AGBL4: variants seen among roughly 807,000 people sequenced by gnomAD.
AGBL4 encodes cytosolic carboxypeptidase 6.
AGBL4 carries 58 observed loss-of-function variants against 66.4 expected under a neutral mutation model. The observed-to-expected ratio is 0.87, with a 90% CI of 0.71 to 1.09. The LOEUF (loss-of-function observed/expected upper bound fraction) is 1.09, where lower values mean the gene tolerates loss of function less well. Ranked by LOEUF, AGBL4 falls within the 50% of genes least tolerant of loss-of-function variation. The pLI is 0.00. For missense variants in AGBL4, 579 were observed against 631.0 expected, an observed-to-expected ratio of 0.92 and a Z score of 0.88; for synonymous variants, 234 against 222.9, an observed-to-expected ratio of 1.05 and a Z score of -0.44.
At chr1:48,738,160 C>T (rs1052718286) in intron 6 of AGBL4, among the ~76,000 whole-genome samples, 1 of 152,186 alleles carries the variant, frequency 6.6e-6, no homozygotes, top group African/African-American at 2.4e-5. Flanking sequence ...AAAACTTCTT[C>T]CTTTACCAAT....
At chr1:48,549,836 A>G (rs1162693116) in intron 11 of AGBL4, among the ~76,000 whole-genome samples, 1 of 152,072 alleles carries the variant, frequency 6.6e-6, no homozygotes, top group East Asian at 1.9e-4. Flanking sequence ...GGAGAAAGGC[A>G]AAAGATAAGA....
At chr1:48,714,314 C>A (rs528943072) in intron 6 of AGBL4, among the ~76,000 whole-genome samples, 1 of 152,166 alleles carries the variant, frequency 6.6e-6, no homozygotes, top group African/African-American at 2.4e-5. Flanking sequence ...CACAGTGCCA[C>A]CCCAGGGAGG....
At chr1:49,708,685 T>C in intron 2 of AGBL4, among the ~76,000 whole-genome samples, 1 of 152,192 alleles carries the variant, frequency 6.6e-6, no homozygotes, top group African/African-American at 2.4e-5. Context: ...CTCATCTTCA[T>C]GGATTTATCT....
chr1:49,245,988 T>C (rs1651613399), intron 3 of AGBL4, 124 bp from the exon 4 acceptor site: 1 of 678,420 alleles, frequency 1.5e-6, no homozygotes, highest in South Asian at 1.8e-5. Flanking sequence ...AACTGTATAG[T>C]GAGAGTACAC....
chr1:48,920,429 A>C (rs1050608433), intron 5 of AGBL4, among the ~76,000 whole-genome samples: 5 of 152,194 alleles, frequency 3.3e-5, no homozygotes, highest in Non-Finnish European at 7.3e-5. Context: ...TTCCTCAGGC[A>C]GATTCTAGAG....
chr1:49,049,848 A>G (rs115874396), intron 4 of AGBL4, among the ~76,000 whole-genome samples: 4 of 151,938 alleles, frequency 2.6e-5, no homozygotes, highest in Non-Finnish European at 5.9e-5. Flanking sequence ...TAATAATAAT[A>G]ATTATTATAG....
At chr1:48,702,724 G>A (rs964237318) in intron 6 of AGBL4, among the ~76,000 whole-genome samples, 2 of 152,224 alleles carry the variant, frequency 1.3e-5, no homozygotes, top group African/African-American at 2.4e-5. Flanking sequence ...GGATGAAATA[G>A]AAAGTGCATT....
At chr1:48,925,149 TACACAC>T (rs55896102) in intron 5 of AGBL4, among the ~76,000 whole-genome samples, 69 of 145,984 alleles carry the variant, frequency 4.7e-4, no homozygotes, top group Non-Finnish European at 8.7e-4. Flanking sequence ...TATATATACA[TACACAC>T]ACACACACAC....
chr1:49,869,256 A>T (rs1350926843), intron 1 of AGBL4, among the ~76,000 whole-genome samples: 2 of 152,220 alleles, frequency 1.3e-5, no homozygotes, highest in Non-Finnish European at 2.9e-5. Context: ...ATATACCCAA[A>T]GGAATATAAC....
chr1:48,783,109 A>T (rs1333492510), intron 6 of AGBL4, among the ~76,000 whole-genome samples: 1 of 152,062 alleles, frequency 6.6e-6, no homozygotes, highest in Non-Finnish European at 1.5e-5. Context: ...CATTTTTTAA[A>T]TTTTCCTATT....
rs559344975 is a variant in AGBL4 at position 48,697,026 on chromosome 1, C to T, written c.635-33785G>A. Among the ~76,000 whole-genome samples, 4 of 152,270 alleles carry T rather than the reference C, an allele frequency of 2.6e-5. No individual in the cohort carries two copies. In the South Asian group the frequency reaches 8.3e-4, roughly 32 times the overall value. On this transcript the variant is annotated intron_variant, in intron 6 of 13. Coordinates refer to ENST00000371839, the MANE Select transcript of AGBL4 (RefSeq NM_032785.4). ...GCCTACTGCATGCACCCAGGCCTCC[C>T]TCCCTAGACTGCAGACTCTTTGAGG...
intron 2 of AGBL4, among the ~76,000 whole-genome samples, chr1:49,742,362 T>A (rs1455066575): frequency 2.0e-5 from 3 of 152,010 alleles, no homozygotes; most frequent in African/African-American, 7.2e-5. Context: ...AAGGACCTCT[T>A]CAAGGAGAAA....
At chr1:48,650,292 G>C (rs896346380) in intron 8 of AGBL4, among the ~76,000 whole-genome samples, 3 of 152,204 alleles carry the variant, frequency 2.0e-5, no homozygotes, top group African/African-American at 7.2e-5. Context: ...TTGAGAGTCT[G>C]CACGTCCAGA....
chr1:49,601,902 G>C (rs985249111), intron 3 of AGBL4, among the ~76,000 whole-genome samples: 26 of 152,056 alleles, frequency 1.7e-4, no homozygotes, highest in Non-Finnish European at 2.6e-4. Flanking sequence ...AACTATCACT[G>C]GAGTGAACAG....
intron 11 of AGBL4, among the ~76,000 whole-genome samples, chr1:48,563,506 G>A (rs906614615): frequency 1.3e-5 from 2 of 152,026 alleles, no homozygotes; most frequent in African/African-American, 4.8e-5. Flanking sequence ...GAGTGAGGGG[G>A]TCTGAGAGAG....
intron 3 of AGBL4, among the ~76,000 whole-genome samples, chr1:49,603,386 G>A (rs1644998768): frequency 6.6e-6 from 1 of 152,066 alleles, no homozygotes; most frequent in Non-Finnish European, 1.5e-5. Context: ...TTAGCCAGGT[G>A]TGGTGGTGGG....
At chr1:49,591,695 G>A (rs182276656) in intron 3 of AGBL4, among the ~76,000 whole-genome samples, 16 of 152,064 alleles carry the variant, frequency 1.1e-4, no homozygotes, top group Non-Finnish European at 2.1e-4. Flanking sequence ...CTATACTACA[G>A]GGCTACTGAA....
At chr1:49,563,150 C>T (rs1041963659) in intron 3 of AGBL4, among the ~76,000 whole-genome samples, 10 of 151,780 alleles carry the variant, frequency 6.6e-5, no homozygotes, top group Non-Finnish European at 1.0e-4. Context: ...GATTTTTGCA[C>T]ATTGATTTTG....
chr1:49,762,538 G>C (rs1179217316), intron 2 of AGBL4, among the ~76,000 whole-genome samples: 2 of 151,620 alleles, frequency 1.3e-5, no homozygotes, highest in Non-Finnish European at 2.9e-5. Context: ...TCAGCCTCCT[G>C]AGTAGCTGGG....
Sources: allele counts gnomAD v4.1 joint callset (sites outside exome capture counted in the v4.1 genomes callset), GRCh38; gene constraint gnomAD v4.1.1; transcripts MANE v1.5; gene names NCBI Gene and HGNC (gene_info 2026-07-23, HGNC 2026-07-21).